ORC1: variants seen among roughly 807,000 people sequenced by gnomAD.
The protein encoded by ORC1 is origin recognition complex subunit 1, also known as origin recognition complex, subunit 1 homolog.
Under a neutral mutation model 98.9 loss-of-function variants are expected in ORC1, and 61 were observed. The ratio of observed to expected loss-of-function variants is 0.62; its 90% CI spans 0.50 to 0.76. ORC1 has a LOEUF of 0.76. Ranked by LOEUF, ORC1 falls within the 30% of genes least tolerant of loss-of-function variation. The pLI, the probability that ORC1 is intolerant of heterozygous loss-of-function variation, is 0.00. For synonymous variants in ORC1, 385 were observed against 406.9 expected (o/e 0.95, Z 0.65); for missense variants, 979 against 1,072.2 (o/e 0.91, Z 1.21).
At chr1:52,388,057 G>A (rs1396333449) in intron 8 of ORC1, among the ~76,000 whole-genome samples, 2 of 152,046 alleles carry the variant, frequency 1.3e-5, no homozygotes, top group Non-Finnish European at 1.5e-5. Context: ...TAGCACTCCC[G>A]GTTTCTCAGG....
intron 3 of ORC1, among the ~76,000 whole-genome samples, chr1:52,398,933 C>T (rs193022815): frequency 9.2e-5 from 14 of 152,236 alleles, no homozygotes; most frequent in Admixed American, 2.0e-4. Context: ...TACAGCTATC[C>T]CCCTTTTCAG....
Position 52,397,764 on chromosome 1 carries a change from C to A in ORC1, c.323G>T (p.Gly108Val), listed in dbSNP as rs1647483322. 2 of 1,614,190 alleles carry A rather than the reference C, an allele frequency of 1.2e-6. No individual in the cohort carries two copies. The highest frequency in any genetic ancestry group is 2.2e-5 in the South Asian group (2 of 91,086). Residue 108 changes from glycine (G) to valine (V), a missense_variant, in exon 4 of 17, where the codon GGT becomes GTT. Gly to Val is a moderately radical substitution (Grantham distance 109). Coordinates refer to ENST00000371568, the MANE Select transcript of ORC1 (RefSeq NM_004153.4). ...CKRHLLGRKP[G>V]AQEIFWYDYP... ...ATCATACCAGAATATTTCCTGTGCA[C>A]CAGGCTTCCGGCCCAACAAATGCCG...
chr1:52,390,571 T>C (rs1373534323), intron 6 of ORC1, among the ~76,000 whole-genome samples: 3 of 152,004 alleles, frequency 2.0e-5, no homozygotes, highest in Non-Finnish European at 4.4e-5. Flanking sequence ...CCGACGTGGG[T>C]GGACCACCTA....
At chr1:52,408,762 G>C (rs1648069273), upstream of ORC1, 2 of 1,550,502 alleles carry the variant, frequency 1.3e-6, no homozygotes, top group African/African-American at 2.7e-5. Flanking sequence ...TTCTACCTTT[G>C]CATTGTCATA....
chr1:52,373,459 A>C (rs530964670), intron 16 of ORC1, 84 bp from the exon 17 acceptor site: 2 of 1,177,956 alleles, frequency 1.7e-6, no homozygotes, highest in African/African-American at 3.0e-5. Context: ...ATTTGGGAAA[A>C]TCAGACACAT....
At chr1:52,390,280 T>G (rs1647191483) in intron 6 of ORC1, among the ~76,000 whole-genome samples, 3 of 152,200 alleles carry the variant, frequency 2.0e-5, no homozygotes, top group Admixed American at 2.0e-4. Flanking sequence ...GGCATCACAT[T>G]ACCTGACTTC....
chr1:52,394,272 C>T (rs572337308), intron 5 of ORC1, among the ~76,000 whole-genome samples: 2 of 152,366 alleles, frequency 1.3e-5, no homozygotes, highest in South Asian at 4.1e-4. Flanking sequence ...TCCACTGGTT[C>T]TGTGAATACA....
chr1:52,387,319 G>C (rs1400205741), intron 8 of ORC1, among the ~76,000 whole-genome samples: 1 of 152,184 alleles, frequency 6.6e-6, no homozygotes, highest in Non-Finnish European at 1.5e-5. Flanking sequence ...TCCAATGCCT[G>C]GTGATCTAGG....
Position 52,372,990 on chromosome 1 carries a change from G to T in ORC1, c.*191C>A. 1 of 647,804 alleles carries T rather than the reference G, an allele frequency of 1.5e-6. No homozygotes were observed. The highest frequency in any genetic ancestry group is 2.8e-6 in the Non-Finnish European group (1 of 356,856). The allele number at this position is 647,804 out of a possible 1,614,324, so 40.1% of individuals were successfully genotyped here. A position where few individuals can be genotyped will look rare whatever the true frequency, so the allele number is the denominator to read the frequency against. On this transcript the variant is annotated 3_prime_UTR_variant, in exon 17 of 17. Transcript: ENST00000371568. ...CCCTGTCTCTACAAAAAATCAGCTG[G>T]GCATGGTGGCATGTGCCTGTAGTTT...
intron 4 of ORC1, among the ~76,000 whole-genome samples, chr1:52,396,698 G>A (rs935555813): frequency 1.3e-5 from 2 of 151,886 alleles, no homozygotes; most frequent in African/African-American, 4.8e-5. Flanking sequence ...TCTCACTCCT[G>A]GGTTATTTTC....
intron 3 of ORC1, among the ~76,000 whole-genome samples, chr1:52,399,212 G>C (rs911628809): frequency 6.6e-6 from 1 of 152,182 alleles, no homozygotes; most frequent in Non-Finnish European, 1.5e-5. Context: ...CATCAGGCTG[G>C]GTGCAGTGGC....
chr1:52,405,755 C>G (rs1347529145), upstream of ORC1: 1 of 1,613,908 alleles, frequency 6.2e-7, no homozygotes, highest in Admixed American at 1.7e-5. Flanking sequence ...AAACCAACAC[C>G]CTTTCTGTGT....
intron 3 of ORC1, 88 bp downstream of exon 3, chr1:52,401,274 C>T (rs1026869774): frequency 6.5e-7 from 1 of 1,527,430 alleles, no homozygotes; most frequent in Non-Finnish European, 9.1e-7. Context: ...GTGCCCTGCA[C>T]ACTGCTGTGA....
In ORC1 at chr1:52,396,108, T is replaced by C. The variant is rs188004883; in HGVS notation, c.659A>G (p.Lys220Arg). ...AGGATGGGTAGGAGTTTGGCGAGAT[T>C]TGGAGGCGGAGTGCCTTGATTCAAT... Reference protein sequence around the residue: ...KRIESRHSASKSRQTPTHPLT... With the variant: ...KRIESRHSASRSRQTPTHPLT... The change falls in exon 5 of 17, where the codon AAA (lysine) becomes AGA (arginine). Residue 220 changes from lysine (K) to arginine (R), a missense_variant. Coordinates refer to ENST00000371568, the MANE Select transcript of ORC1 (RefSeq NM_004153.4). 1.8e-5 allele frequency: 29 copies of C among 1,614,190 alleles called. No individual in the cohort carries two copies. In the South Asian group the frequency reaches 2.7e-4, roughly 15 times the overall value.
At position 52,381,696 on chromosome 1, in the gene ORC1, C is replaced by CCGGG; in HGVS notation, c.2075_2078dup (p.Leu694ProfsTer9). 6.2e-7 allele frequency: 1 copy of CCGGG among 1,613,442 alleles called. No homozygotes were observed. The highest frequency in any genetic ancestry group is 1.1e-5 in the South Asian group (1 of 91,046). Reference sequence around the variant, plus strand: ...CTTCAAAGGCCTTTAGATGCTTGAGCCGGGACCTTAGGATCTGCTGCAGCT... The same window carrying CCGGG: ...CTTCAAAGGCCTTTAGATGCTTGAGCCGGGCGGGACCTTAGGATCTGCTGCAGCT... On this transcript the variant is annotated frameshift_variant, in exon 14 of 17. Transcript: ENST00000371568. LOFTEE classifies it high-confidence loss of function.
At chr1:52,405,795 C>T (rs891539845), upstream of ORC1, 2 of 1,613,952 alleles carry the variant, frequency 1.2e-6, no homozygotes, top group South Asian at 2.2e-5. Context: ...AAATTCAACC[C>T]GAGAAGGATA....
chr1:52,375,898 T>A (rs2147910390), intron 14 of ORC1, among the ~76,000 whole-genome samples: 2 of 152,328 alleles, frequency 1.3e-5, no homozygotes, highest in Middle Eastern at 6.8e-3. Flanking sequence ...TATTGAAGCA[T>A]CTGCAAACAG....
intron 14 of ORC1, among the ~76,000 whole-genome samples, chr1:52,377,703 C>CAAAAAAAAAAAAAAAAAAAAAAAA (rs58266239): frequency 1.7e-5 from 1 of 58,770 alleles, no homozygotes; most frequent in Non-Finnish European, 3.6e-5. Flanking sequence ...CCCCTAGAAG[C>CAAAAAAAAAAAAAAAAAAAAAAAA]AAAAAAAAAA....
intron 8 of ORC1, among the ~76,000 whole-genome samples, 191 bp downstream of exon 8, chr1:52,388,251 C>G (rs918196727): frequency 3.3e-5 from 5 of 152,210 alleles, no homozygotes; most frequent in Admixed American, 6.5e-5. Flanking sequence ...AAATCACTCT[C>G]TACTAGATTC....
Sources: gnomAD v4.1 joint callset for allele counts (sites outside exome capture counted in the v4.1 genomes callset) on GRCh38, gnomAD v4.1.1 for gene constraint, MANE v1.5 for transcripts, NCBI Gene and HGNC (gene_info 2026-07-23, HGNC 2026-07-21) for gene names.